ZBTB7A: variants seen among roughly 807,000 people sequenced by gnomAD.
The protein encoded by ZBTB7A is zinc finger and BTB domain-containing protein 7A.
ZBTB7A carries 7 observed loss-of-function variants against 26.7 expected under a neutral mutation model. The observed-to-expected ratio is 0.26, with a 90% confidence interval of 0.15 to 0.49. The LOEUF is 0.49. ZBTB7A is among the 20% of genes least tolerant of loss of function. The probability of loss-of-function intolerance (pLI) is 0.98; values close to 1 mark genes in which losing one functional copy is unlikely to be tolerated. For missense variants in ZBTB7A, 617 were observed against 919.5 expected (o/e 0.67, Z 4.25); for synonymous variants, 452 against 441.0 (o/e 1.02, Z -0.31).
intron 1 of ZBTB7A, among the ~76,000 whole-genome samples, chr19:4,066,200 C>G (rs987031679): frequency 7.9e-6 from 1 of 126,864 alleles, no homozygotes; most frequent in African/African-American, 2.9e-5. Flanking sequence ...TCAGCCCCCT[C>G]CCCCCCATCC....
chr19:4,043,330 CTT>C lies in ZBTB7A; in HGVS notation c.*4420_*4421del, dbSNP rs958724038. ...TCGTAACAGGCTGCGTTTAGTGGTT[CTT>C]TTTTTTTTTTTATGTACAAGAAAAA... On this transcript the variant is annotated 3_prime_UTR_variant, in exon 3 of 3. Coordinates refer to ENST00000322357, the MANE Select transcript of ZBTB7A (RefSeq NM_015898.4). 1.4e-4 allele frequency among the ~76,000 whole-genome samples: 18 copies of C among 128,118 alleles called. No homozygotes were observed. Among genetic ancestry groups the C allele is most frequent in the Non-Finnish European group, 1.0e-4 (6 of 59,296 alleles). 84.1% of individuals were successfully genotyped at this position (128,118 alleles called of 152,430 possible).
intron 1 of ZBTB7A, among the ~76,000 whole-genome samples, chr19:4,063,673 C>T (rs569768047): frequency 2.6e-5 from 4 of 152,316 alleles, no homozygotes; most frequent in African/African-American, 9.6e-5. Flanking sequence ...TGCCAACCTC[C>T]GGCCCTGCTT....
intron 2 of ZBTB7A, among the ~76,000 whole-genome samples, chr19:4,051,894 C>T (rs919010518): frequency 6.6e-6 from 1 of 152,100 alleles, no homozygotes; most frequent in African/African-American, 2.4e-5. Context: ...AGTTTCATCA[C>T]CCCGAGCCCC....
chr19:4,062,585 G>C (rs2040650584), intron 1 of ZBTB7A: 1 of 152,250 alleles, frequency 6.6e-6, no homozygotes, highest in Non-Finnish European at 1.5e-5. Context: ...TGCCTAACTA[G>C]TCCTCCCACG....
rs187182597 is a variant in ZBTB7A, at chr19:4,047,726, G to A, written c.*26C>T. ...CTCTCTCTCTGTCTCTCTCTTTCTC[G>A]GGTTTCTGTTTTCTCTTTTTGGTTT... On this transcript the variant is annotated 3_prime_UTR_variant, in exon 3 of 3. Transcript: ENST00000322357. 2.5e-6 allele frequency: 4 copies of A among 1,573,376 alleles called. 1 individual carries two copies. The Admixed American group carries it at 5.7e-5, about 22-fold the overall frequency.
At chr19:4,053,669 T>A (rs1170659639) in intron 2 of ZBTB7A, among the ~76,000 whole-genome samples, 2 of 149,680 alleles carry the variant, frequency 1.3e-5, no homozygotes, top group Non-Finnish European at 3.0e-5. Flanking sequence ...TCTGTATGTG[T>A]ATGTGGTGTG....
chr19:4,056,430 G>T (rs145912376), intron 1 of ZBTB7A, among the ~76,000 whole-genome samples: 25 of 152,334 alleles, frequency 1.6e-4, no homozygotes, highest in African/African-American at 5.5e-4. Flanking sequence ...AATGCCTGTT[G>T]AAAGGGCACT....
At position 4,045,651 on chromosome 19, in the gene ZBTB7A, C is replaced by A. The variant is rs1331399183; in HGVS notation, c.*2101G>T. 1 of 368,650 alleles carries A rather than the reference C, an allele frequency of 2.7e-6. No individual in the cohort carries two copies. Among genetic ancestry groups the A allele is most frequent in the East Asian group, 4.0e-5 (1 of 24,904 alleles). The allele number at this position is 368,650 out of a possible 1,614,324, so 22.8% of individuals were successfully genotyped here. ...CGGGGGCAGGGAGACACCCCCCCGC[C>A]GGTTGGGCATTGACAAGAAGTCTCA... On this transcript the variant is annotated 3_prime_UTR_variant, in exon 3 of 3. Coordinates refer to ENST00000322357, the MANE Select transcript of ZBTB7A (RefSeq NM_015898.4). The surrounding 1 kb of genome is among the most constrained non-coding windows in gnomAD (Gnocchi z 4.1).
At chr19:4,057,345 G>A (rs771915317) in intron 1 of ZBTB7A, among the ~76,000 whole-genome samples, 11 of 152,116 alleles carry the variant, frequency 7.2e-5, no homozygotes, top group Non-Finnish European at 1.6e-4. Context: ...CTCCGTGTTG[G>A]AAAAATAAAT....
rs778848976 is a variant in ZBTB7A, at chr19:4,055,106, G to A, written c.127C>T (p.Arg43Cys). ...LCDVVILVEGREFPTHRSVLA... is the reference protein window; with the variant it reads ...LCDVVILVEGCEFPTHRSVLA... ...ACCGAGCGGTGCGTGGGGAACTCGCGGCCCTCCACCAGGATCACCACGTCG... is the reference window on the plus strand; with the variant it reads ...ACCGAGCGGTGCGTGGGGAACTCGCAGCCCTCCACCAGGATCACCACGTCG... Residue 43 changes from arginine (R) to cysteine (C), a missense_variant, in exon 2 of 3, where the codon CGC becomes TGC. Coordinates refer to ENST00000322357, the MANE Select transcript of ZBTB7A (RefSeq NM_015898.4). 1 of 1,609,502 alleles carries A rather than the reference G, an allele frequency of 6.2e-7. No individual in the cohort carries two copies. Among genetic ancestry groups the A allele is most frequent in the Non-Finnish European group, 8.5e-7 (1 of 1,179,700 alleles).
chr19:4,049,273 G>A (rs1250381575), intron 2 of ZBTB7A, among the ~76,000 whole-genome samples: 1 of 142,568 alleles, frequency 7.0e-6, no homozygotes, highest in Non-Finnish European at 1.5e-5. Flanking sequence ...CTGGGCTCAA[G>A]TGATCCTCTT....
intron 1 of ZBTB7A, among the ~76,000 whole-genome samples, chr19:4,061,414 G>A (rs998422190): frequency 1.3e-5 from 2 of 151,328 alleles, no homozygotes; most frequent in Non-Finnish European, 3.0e-5. Flanking sequence ...GGTTGGTCCC[G>A]ACGGGTAACC....
chr19:4,059,339 C>G (rs2040616271), intron 1 of ZBTB7A, among the ~76,000 whole-genome samples: 1 of 152,158 alleles, frequency 6.6e-6, no homozygotes, highest in African/African-American at 2.4e-5. Context: ...CGACCTCCTG[C>G]AGGTCCCCGC....
intron 1 of ZBTB7A, among the ~76,000 whole-genome samples, chr19:4,064,096 G>GCCTCAGTCTCCC (rs2040666204): frequency 6.6e-6 from 1 of 152,232 alleles, no homozygotes; most frequent in Non-Finnish European, 1.5e-5. Flanking sequence ...CCTCGGCCGC[G>GCCTCAGTCTCCC]CCTCAGTCTC....
chr19:4,045,796 G>A lies in ZBTB7A; in HGVS notation c.*1956C>T. Reference sequence around the variant, plus strand: ...ACCCCGGCCCCTGTCCGTGGCCTGTGGCTCGGTCAACACCGGGCCTTGTGG... The same window carrying A: ...ACCCCGGCCCCTGTCCGTGGCCTGTAGCTCGGTCAACACCGGGCCTTGTGG... On this transcript the variant is annotated 3_prime_UTR_variant, in exon 3 of 3. Transcript: ENST00000322357. This position sits in a 1 kb window ranked among gnomAD's most constrained non-coding sequence, Gnocchi z 4.1. 1 of 398,274 alleles carries A rather than the reference G, an allele frequency of 2.5e-6. No individual in the cohort carries two copies. Among genetic ancestry groups the A allele is most frequent in the Non-Finnish European group, 4.4e-6 (1 of 225,988 alleles). 24.7% of individuals were successfully genotyped at this position (398,274 alleles called of 1,614,324 possible). A position where few individuals can be genotyped will look rare whatever the true frequency, so the allele number is the denominator to read the frequency against.
At position 4,055,265 on chromosome 19, in the gene ZBTB7A, G is replaced by C. The variant is rs546189028; in HGVS notation, c.-15-18C>G. On this transcript the variant is annotated intron_variant, in intron 1 of 2. Transcript: ENST00000322357. Reference sequence around the variant, plus strand: ...GCCGAGACCTGCAGCAGTGGGGAAGGAGAGGGCGCTCGTGAGTGGGGGTGC... The same window carrying C: ...GCCGAGACCTGCAGCAGTGGGGAAGCAGAGGGCGCTCGTGAGTGGGGGTGC... 3.0e-5 allele frequency: 44 copies of C among 1,453,282 alleles called. No homozygotes were observed. In the South Asian group the frequency reaches 6.0e-4, roughly 20 times the overall value. 90.0% of individuals were successfully genotyped at this position (1,453,282 alleles called of 1,614,324 possible).
intron 2 of ZBTB7A, among the ~76,000 whole-genome samples, chr19:4,050,592 A>G (rs1473313184): frequency 6.6e-6 from 1 of 152,048 alleles, no homozygotes; most frequent in East Asian, 1.9e-4. Context: ...GAATGTGGCC[A>G]CTCTGAACTG....
rs1404063652 is a variant in ZBTB7A at position 4,044,777 on chromosome 19, G to T, written c.*2975C>A. On this transcript the variant is annotated 3_prime_UTR_variant, in exon 3 of 3. Transcript: ENST00000322357. ...AAACAACCAAACAAAAAAGCTTTGAGCTGTGTCCTTTCATATGGAGTCAAC... is the reference window on the plus strand; with the variant it reads ...AAACAACCAAACAAAAAAGCTTTGATCTGTGTCCTTTCATATGGAGTCAAC... 6.8e-6 allele frequency: 1 copy of T among 147,008 alleles called. No homozygotes were observed. Among genetic ancestry groups the T allele is most frequent in the African/African-American group, 2.5e-5 (1 of 39,496 alleles). 9.1% of individuals were successfully genotyped at this position (147,008 alleles called of 1,614,324 possible). A position where few individuals can be genotyped will look rare whatever the true frequency, so the allele number is the denominator to read the frequency against.
intron 1 of ZBTB7A, among the ~76,000 whole-genome samples, chr19:4,056,028 TCA>T (rs2040573643): frequency 6.6e-6 from 1 of 151,484 alleles, no homozygotes; most frequent in Non-Finnish European, 1.5e-5. Context: ...TCCTCTAGCC[TCA>T]GTTTCCCCAG....
Sources: gnomAD v4.1 joint callset for allele counts (sites outside exome capture counted in the v4.1 genomes callset) on GRCh38, gnomAD v4.1.1 for gene constraint, Gnocchi (gnomAD v3.1) non-coding constraint, MANE v1.5 for transcripts, NCBI Gene and HGNC (gene_info 2026-07-23, HGNC 2026-07-21) for gene names.